The following TMEM67 variants were observed in gnomAD, a reference collection of about 807,000 sequenced individuals.
TMEM67 encodes transmembrane protein 67, also known as meckelin.
A neutral mutation model predicts 136.6 loss-of-function variants in TMEM67; 124 were observed. The ratio of observed to expected loss-of-function variants is 0.91; its 90% confidence interval spans 0.78 to 1.05. The LOEUF (loss-of-function observed/expected upper bound fraction) is 1.05. Ranked by LOEUF, TMEM67 falls within the 50% of genes least tolerant of loss-of-function variation. TMEM67 has a pLI of 0.00. For synonymous variants in TMEM67, 364 were observed against 390.5 expected, an observed-to-expected ratio of 0.93 and a Z score of 0.80; for missense variants, 1,107 against 1,178.4, an observed-to-expected ratio of 0.94 and a Z score of 0.89.
In TMEM67 at chr8:93,791,309, TC is replaced by T; in HGVS notation, c.1567del (p.Gln523ArgfsTer12). 6.3e-7 allele frequency: 1 copy of T among 1,599,690 alleles called. No homozygotes were observed. The highest frequency in any genetic ancestry group is 8.6e-7 in the Non-Finnish European group (1 of 1,167,572). ...TYEMDHGEAHVQTDIALGVLG... is the reference protein window; with the variant it reads ...TYEMDHGEAHXQTDIALGVLG... The stretch of plus-strand genomic sequence containing the variant: ...GAAATGGATCATGGAGAAGCACATG[TC>T]CAGACAGATGTAAGTTTATTTTAAC... On this transcript the variant is annotated frameshift_variant, in exon 15 of 28. Transcript: ENST00000453321. LOFTEE classifies it high-confidence loss of function.
At chr8:93,776,370 C>G (rs1813541748) in intron 7 of TMEM67, among the ~76,000 whole-genome samples, 1 of 152,128 alleles carries the variant, frequency 6.6e-6, no homozygotes, top group South Asian at 2.1e-4. Context: ...TTGCCCTGGC[C>G]AGAACTTCCA....
At chr8:93,786,381 A>G in intron 13 of TMEM67, 35 bp downstream of exon 13, 1 of 1,607,036 alleles carries the variant, frequency 6.2e-7, no homozygotes, top group Non-Finnish European at 8.5e-7. Context: ...TTTATGGGAA[A>G]ATATCATAAT....
chr8:93,809,075 C>G lies in TMEM67; in HGVS notation c.2575C>G (p.Leu859Val). Residue 859 changes from leucine to valine, a missense_variant, in exon 25 of 28, where the codon CTA (leucine) becomes GTA (valine). Physicochemically the swap from Leu to Val is conservative, Grantham distance 32. Around this residue, in one of 3 missense-constraint regions of TMEM67, gnomAD observed 925 missense variants for 1,002.4 expected, o/e 0.92. Coordinates refer to ENST00000453321, the MANE Select transcript of TMEM67 (RefSeq NM_153704.6). ...ACATTAGAAAAATGGTCCTGCTAGACTACTGAGTTCATCAGCAAGTACTTT... is the reference window on the plus strand; with the variant it reads ...ACATTAGAAAAATGGTCCTGCTAGAGTACTGAGTTCATCAGCAAGTACTTT... The part of the protein sequence containing the change: ...TLIRKNGPAR[L>V]LSSSASTFEQ... 1 of 1,608,148 alleles carries G rather than the reference C, an allele frequency of 6.2e-7. No individual in the cohort carries two copies. Among genetic ancestry groups the G allele is most frequent in the Non-Finnish European group, 8.5e-7 (1 of 1,175,100 alleles).
At chr8:93,762,561 C>T (rs928272969) in intron 3 of TMEM67, among the ~76,000 whole-genome samples, 1 of 152,080 alleles carries the variant, frequency 6.6e-6, no homozygotes, top group Non-Finnish European at 1.5e-5. Context: ...TGGGCTTAAG[C>T]AATCTACTGC....
chr8:93,805,595 A>AG (rs1259874009), intron 23 of TMEM67, among the ~76,000 whole-genome samples: 4 of 151,930 alleles, frequency 2.6e-5, no homozygotes, highest in African/African-American at 9.7e-5. Flanking sequence ...AAAAAAAAAA[A>AG]AAAGAAAGTT....
chr8:93,771,707 G>T (rs1287669221), intron 6 of TMEM67, among the ~76,000 whole-genome samples: 1 of 152,128 alleles, frequency 6.6e-6, no homozygotes, highest in African/African-American at 2.4e-5. Flanking sequence ...ACTATCAGTG[G>T]CATTGTATGT....
intron 27 of TMEM67, 75 bp from the exon 28 acceptor site, chr8:93,816,292 TTAATC>T (rs1346155223): frequency 1.5e-6 from 1 of 656,812 alleles, no homozygotes; most frequent in Non-Finnish European, 2.7e-6. Flanking sequence ...ATTAGCTAAT[TTAATC>T]TAGATATTTT....
chr8:93,812,770 C>G (rs1281883709), intron 26 of TMEM67, among the ~76,000 whole-genome samples: 1 of 152,224 alleles, frequency 6.6e-6, no homozygotes, highest in Non-Finnish European at 1.5e-5. Context: ...GAGTTTCACT[C>G]TTGTTGCCCA....
chr8:93,774,843 A>G (rs951917012), intron 7 of TMEM67, among the ~76,000 whole-genome samples: 1 of 152,216 alleles, frequency 6.6e-6, no homozygotes, highest in Admixed American at 6.5e-5. Context: ...TCTTTATAGT[A>G]GCATGATTTA....
chr8:93,827,523 G>A, the TMEM67 span, among the ~76,000 whole-genome samples: 1 of 151,646 alleles, frequency 6.6e-6, no homozygotes, highest in Non-Finnish European at 1.5e-5. Flanking sequence ...TCAGCCTCCT[G>A]AATAGCTGGG....
intron 2 of TMEM67, among the ~76,000 whole-genome samples, chr8:93,757,825 A>G (rs1248340557): frequency 6.6e-6 from 1 of 151,186 alleles, no homozygotes; most frequent in African/African-American, 2.4e-5. Context: ...CAGTGGCACG[A>G]TCTCAGCTCA....
chr8:93,782,438 T>G lies in TMEM67; in HGVS notation c.1109T>G (p.Phe370Cys). 1 of 1,613,168 alleles carries G rather than the reference T, an allele frequency of 6.2e-7. No homozygotes were observed. Among genetic ancestry groups the G allele is most frequent in the Non-Finnish European group, 8.5e-7 (1 of 1,179,734 alleles). ...TETRLNAAYS[F>C]GTTYQQNCEI... ...ACAAGGCTAAATGCTGCTTATTCAT[T>G]TGGAACAACCTACCAACAAAATGTA... The change falls in exon 11 of 28, where the codon TTT becomes TGT. Residue 370 changes from phenylalanine (F) to cysteine (C), a missense_variant. Coordinates refer to ENST00000453321, the MANE Select transcript of TMEM67 (RefSeq NM_153704.6).
At chr8:93,783,114 T>C (rs1813922017) in intron 11 of TMEM67, among the ~76,000 whole-genome samples, 1 of 152,022 alleles carries the variant, frequency 6.6e-6, no homozygotes, top group African/African-American at 2.4e-5. Context: ...ACCACCTGAG[T>C]AGCTGGGACA....
At chr8:93,818,323 T>C (rs1195960244), downstream of TMEM67, among the ~76,000 whole-genome samples, 2 of 152,230 alleles carry the variant, frequency 1.3e-5, no homozygotes, top group African/African-American at 4.8e-5. Flanking sequence ...AGAGAGGTTC[T>C]TTATAAGCTG....
rs1814965224 is a variant in TMEM67 at position 93,803,635 on chromosome 8, T to G, written c.2273T>G (p.Phe758Cys). 1 of 1,605,112 alleles carries G rather than the reference T, an allele frequency of 6.2e-7. No homozygotes were observed. Among genetic ancestry groups the G allele is most frequent in the African/African-American group, 1.3e-5 (1 of 74,756 alleles). The change falls in exon 22 of 28, where the codon TTT becomes TGT. Residue 758 changes from phenylalanine to cysteine, a missense_variant. Coordinates refer to ENST00000453321, the MANE Select transcript of TMEM67 (RefSeq NM_153704.6). ...VVFFAVFYER[F>C]IEDKIRQFVD... ...TTCTTTGCTGTCTTTTATGAGAGAT[T>G]TATAGAAGATAAAATTCGACAGTTC...
At chr8:93,821,281 T>C (rs1809036919), downstream of TMEM67, among the ~76,000 whole-genome samples, 1 of 152,178 alleles carries the variant, frequency 6.6e-6, no homozygotes, top group Admixed American at 6.5e-5. Context: ...GTAGGTCTTT[T>C]AGTTTTTTAT....
intron 1 of TMEM67, among the ~76,000 whole-genome samples, chr8:93,755,535 A>G (rs548309351): frequency 1.7e-3 from 262 of 152,282 alleles, no homozygotes; most frequent in African/African-American, 6.1e-3. Flanking sequence ...TTGTAGAGGA[A>G]GCCAAGGCAG....
Position 93,816,652 on chromosome 8 carries a change from A to G in TMEM67, c.*200A>G, listed in dbSNP as rs955246274. ...AAAATACTGTTTTCCCATTGTGTGT[A>G]GTATTTAATGCAGTAAATAATAAAT... On this transcript the variant is annotated 3_prime_UTR_variant, in exon 28 of 28. Coordinates refer to ENST00000453321, the MANE Select transcript of TMEM67 (RefSeq NM_153704.6). 5 of 414,632 alleles carry G rather than the reference A, an allele frequency of 1.2e-5. No individual in the cohort carries two copies. The highest frequency in any genetic ancestry group is 8.0e-5 in the African/African-American group (4 of 49,778). 25.7% of individuals were successfully genotyped at this position (414,632 alleles called of 1,614,324 possible). A position where few individuals can be genotyped will look rare whatever the true frequency, so the allele number is the denominator to read the frequency against.
chr8:93,781,051 A>G (rs910913028), intron 9 of TMEM67, 69 bp downstream of exon 9: 1 of 1,090,910 alleles, frequency 9.2e-7, no homozygotes, highest in South Asian at 1.3e-5. Flanking sequence ...TAATAAAGTT[A>G]CAATTCTTGC....
Sources: gnomAD v4.1 joint callset for allele counts (sites outside exome capture counted in the v4.1 genomes callset) on GRCh38, gnomAD v4.1.1 for gene constraint, gnomAD v4.1.1 regional missense constraint, MANE v1.5 for transcripts, NCBI Gene and HGNC (gene_info 2026-07-23, HGNC 2026-07-21) for gene names.